SPIDR: variants seen among roughly 807,000 people sequenced by gnomAD.
The protein encoded by SPIDR is scaffold protein involved in DNA repair, also known as DNA repair-scaffolding protein.
A neutral mutation model predicts 104.6 loss-of-function variants in SPIDR; 93 were observed. The ratio of observed to expected loss-of-function variants is 0.89; its 90% CI spans 0.75 to 1.06. The LOEUF (loss-of-function observed/expected upper bound fraction) is 1.06, where lower values mean the gene tolerates loss of function less well. SPIDR is among the 50% of genes least tolerant of loss of function. SPIDR has a pLI of 0.00. For missense variants in SPIDR, 1,154 were observed against 1,111.2 expected, an observed-to-expected ratio of 1.04 and a Z score of -0.55; for synonymous variants, 431 against 416.9, an observed-to-expected ratio of 1.03 and a Z score of -0.41.
intron 8 of SPIDR, among the ~76,000 whole-genome samples, chr8:47,443,206 G>A (rs1184104212): frequency 6.6e-6 from 1 of 152,002 alleles, no homozygotes; most frequent in East Asian, 1.9e-4. Context: ...ACCCCTGGGT[G>A]TTACTCTCCA....
At chr8:47,661,025 G>C (rs779958272) in intron 10 of SPIDR, 2 of 937,534 alleles carry the variant, frequency 2.1e-6, no homozygotes, top group East Asian at 2.3e-4. Context: ...CCTAGTGTCC[G>C]TGTCCATTCG....
chr8:47,536,984 A>T (rs2154386917), intron 8 of SPIDR, among the ~76,000 whole-genome samples: 1 of 152,368 alleles, frequency 6.6e-6, no homozygotes, highest in Non-Finnish European at 1.5e-5. Context: ...ATCATGTGTC[A>T]TCAGGAATTG....
intron 11 of SPIDR, among the ~76,000 whole-genome samples, chr8:47,689,779 G>A (rs1201329470): frequency 6.6e-6 from 1 of 152,174 alleles, no homozygotes; most frequent in African/African-American, 2.4e-5. Flanking sequence ...ACACTCCAAT[G>A]CCGGTGTCCC....
At chr8:47,441,768 G>A (rs1266877894) in intron 8 of SPIDR, among the ~76,000 whole-genome samples, 7 of 151,930 alleles carry the variant, frequency 4.6e-5, no homozygotes, top group Non-Finnish European at 8.8e-5. Context: ...GACTTTCATC[G>A]ATTTAAAAAT....
At chr8:47,597,241 G>A (rs2061724268) in intron 9 of SPIDR, among the ~76,000 whole-genome samples, 1 of 151,850 alleles carries the variant, frequency 6.6e-6, no homozygotes, top group African/African-American at 2.4e-5. Flanking sequence ...TATACTTTAA[G>A]TTTTAGGGTA....
chr8:47,473,422 A>G (rs1016985995), intron 8 of SPIDR, among the ~76,000 whole-genome samples: 17 of 152,176 alleles, frequency 1.1e-4, no homozygotes, highest in African/African-American at 4.1e-4. Flanking sequence ...GTGATCACTG[A>G]GGGTTCCCAT....
At chr8:47,526,572 C>T (rs2085017818) in intron 8 of SPIDR, among the ~76,000 whole-genome samples, 1 of 152,168 alleles carries the variant, frequency 6.6e-6, no homozygotes, top group South Asian at 2.1e-4. Flanking sequence ...ATTCAGCTGC[C>T]TGGTGTTTAG....
chr8:47,428,297 G>A (rs1170838137), intron 7 of SPIDR, among the ~76,000 whole-genome samples: 1 of 152,154 alleles, frequency 6.6e-6, no homozygotes, highest in Non-Finnish European at 1.5e-5. Context: ...AGATACGTGG[G>A]TGTCTACAAG....
At chr8:47,298,495 T>G (rs1311516286) in intron 5 of SPIDR, among the ~76,000 whole-genome samples, 4 of 152,340 alleles carry the variant, frequency 2.6e-5, no homozygotes, top group Non-Finnish European at 5.9e-5. Flanking sequence ...TTGTTGCCAT[T>G]GCTTTTGGTG....
chr8:47,647,374 G>C (rs1223953067), intron 10 of SPIDR, among the ~76,000 whole-genome samples: 1 of 152,148 alleles, frequency 6.6e-6, no homozygotes, highest in Non-Finnish European at 1.5e-5. Context: ...CAGCACTTTG[G>C]GAGGCCGAGG....
At chr8:47,592,272 AGG>A in intron 8 of SPIDR, 1 of 1,200,570 alleles carries the variant, frequency 8.3e-7, no homozygotes, top group Non-Finnish European at 1.2e-6. Flanking sequence ...GCACATAACA[AGG>A]CCTGGGTTGA....
chr8:47,286,996 G>T (rs2038968292), intron 3 of SPIDR, among the ~76,000 whole-genome samples: 1 of 152,098 alleles, frequency 6.6e-6, no homozygotes, highest in African/African-American at 2.4e-5. Context: ...TTCCCTAAGT[G>T]TCGGCCAGCT....
At chr8:47,561,610 T>C (rs569949134) in intron 8 of SPIDR, among the ~76,000 whole-genome samples, 1 of 152,334 alleles carries the variant, frequency 6.6e-6, no homozygotes, top group African/African-American at 2.4e-5. Flanking sequence ...TTTTGCCTCC[T>C]CTGTACCTTT....
At chr8:47,365,096 G>C (rs782125191) in intron 5 of SPIDR, among the ~76,000 whole-genome samples, 2 of 152,200 alleles carry the variant, frequency 1.3e-5, no homozygotes, top group Non-Finnish European at 2.9e-5. Context: ...AGAGAACCTA[G>C]AACAGGCAAA....
intron 3 of SPIDR, among the ~76,000 whole-genome samples, chr8:47,289,281 A>G (rs1336483996): frequency 2.0e-5 from 3 of 152,096 alleles, no homozygotes; most frequent in Non-Finnish European, 4.4e-5. Context: ...GTAAATATGT[A>G]TCTAATGAAG....
At chr8:47,348,676 ACTT>A (rs2052733729) in intron 5 of SPIDR, among the ~76,000 whole-genome samples, 1 of 151,596 alleles carries the variant, frequency 6.6e-6, no homozygotes, top group African/African-American at 2.4e-5. Flanking sequence ...TTTTCTCTAA[ACTT>A]CTCTTTTCGC....
chr8:47,659,746 C>G, intron 10 of SPIDR: 1 of 983,922 alleles, frequency 1.0e-6, no homozygotes, highest in Admixed American at 6.1e-5. Flanking sequence ...CTTCTTATCA[C>G]TTCATCCTCT....
intron 10 of SPIDR, among the ~76,000 whole-genome samples, chr8:47,625,425 T>C (rs1283272868): frequency 6.6e-6 from 1 of 152,144 alleles, no homozygotes; most frequent in Non-Finnish European, 1.5e-5. Context: ...GGTATTCAGT[T>C]AGGAAAAGAG....
In SPIDR at chr8:47,510,889, C is replaced by A. The variant is rs539301041; in HGVS notation, c.1097+70347C>A. 1.3e-4 allele frequency: 59 copies of A among 456,298 alleles called. 1 individual carries two copies. In the South Asian group the frequency reaches 2.9e-3, roughly 23 times the overall value. The allele number at this position is 456,298 out of a possible 1,614,324, so 28.3% of individuals were successfully genotyped here. A position where few individuals can be genotyped will look rare whatever the true frequency, so the allele number is the denominator to read the frequency against. ...ACTAAGGAGAAAACAAATGTTCAAC[C>A]AACACCTAAGAACCTAGAGCTGTGG... is the stretch of plus-strand genomic sequence containing the variant. On this transcript the variant is annotated intron_variant, in intron 8 of 19. Transcript: ENST00000297423.
Sources: gnomAD v4.1 joint callset for allele counts (sites outside exome capture counted in the v4.1 genomes callset) on GRCh38, gnomAD v4.1.1 for gene constraint, MANE v1.5 for transcripts, NCBI Gene and HGNC (gene_info 2026-07-23, HGNC 2026-07-21) for gene names.